Variants in TFRC observed in about 807,000 individuals in gnomAD.
TFRC encodes transferrin receptor protein 1.
A neutral mutation model predicts 85.8 loss-of-function variants in TFRC; 35 were observed. The ratio of observed to expected loss-of-function variants is 0.41; its 90% CI spans 0.31 to 0.54. The LOEUF (loss-of-function observed/expected upper bound fraction) is 0.54, where lower values mean the gene tolerates loss of function less well. Among genes scored for constraint, TFRC ranks in the 20% least tolerant of loss-of-function variants. The pLI, the probability that TFRC is intolerant of heterozygous loss-of-function variation, is 0.31. For synonymous variants in TFRC, 362 were observed against 328.6 expected, an observed-to-expected ratio of 1.10 and a Z score of -1.10; for missense variants, 828 against 921.5, an observed-to-expected ratio of 0.90 and a Z score of 1.31.
At chr3:196,063,883 T>C (rs1238140626) in intron 11 of TFRC, among the ~76,000 whole-genome samples, 2 of 151,876 alleles carry the variant, frequency 1.3e-5, no homozygotes, top group Admixed American at 6.6e-5. Flanking sequence ...ATCACACCAC[T>C]GCACTCCAGC....
At chr3:196,060,966 T>C (rs913742391) in intron 13 of TFRC, among the ~76,000 whole-genome samples, 1 of 152,244 alleles carries the variant, frequency 6.6e-6, no homozygotes, top group African/African-American at 2.4e-5. Flanking sequence ...GTTAGAGCTA[T>C]ACATAGTATG....
chr3:196,067,099 CTG>C (rs1374271290), intron 9 of TFRC, among the ~76,000 whole-genome samples: 1 of 152,216 alleles, frequency 6.6e-6, no homozygotes, highest in Admixed American at 6.5e-5. Context: ...GACAAGGTAA[CTG>C]GAATCATACC....
At chr3:196,079,483 G>T (rs1458370562) in intron 1 of TFRC, among the ~76,000 whole-genome samples, 2 of 151,958 alleles carry the variant, frequency 1.3e-5, no homozygotes, top group African/African-American at 2.4e-5. Context: ...GCATGGTGGC[G>T]CATGCCTGTA....
chr3:196,056,401 G>T (rs1716798329), intron 16 of TFRC, among the ~76,000 whole-genome samples: 1 of 151,894 alleles, frequency 6.6e-6, no homozygotes, highest in South Asian at 2.1e-4. Flanking sequence ...TTCAGCCTTG[G>T]TTTTTTTTTT....
At chr3:196,065,243 C>T (rs1283793741) in intron 10 of TFRC, among the ~76,000 whole-genome samples, 200 bp downstream of exon 10, 1 of 142,524 alleles carries the variant, frequency 7.0e-6, no homozygotes, top group East Asian at 2.2e-4. Flanking sequence ...GCCTGGGCAA[C>T]AAGAGTGAAA....
chr3:196,062,975 G>A, intron 11 of TFRC, 36 bp from the exon 12 acceptor site: 2 of 1,562,958 alleles, frequency 1.3e-6, no homozygotes, highest in South Asian at 2.2e-5. Context: ...CCTGAGGAAA[G>A]GTTATACACA....
intron 1 of TFRC, among the ~76,000 whole-genome samples, chr3:196,077,474 G>A (rs776176618): frequency 7.9e-5 from 12 of 151,860 alleles, no homozygotes; most frequent in South Asian, 2.1e-4. Flanking sequence ...ACATACTGCT[G>A]GGCGGGGTGG....
At chr3:196,071,001 G>C (rs1718155711) in intron 6 of TFRC, among the ~76,000 whole-genome samples, 1 of 151,974 alleles carries the variant, frequency 6.6e-6, no homozygotes, top group Non-Finnish European at 1.5e-5. Context: ...CTAGGCCCCA[G>C]CCAAGATGGA....
intron 16 of TFRC, 124 bp from the exon 17 acceptor site, chr3:196,055,425 G>A (rs539407114): frequency 1.4e-5 from 10 of 738,048 alleles, no homozygotes; most frequent in African/African-American, 5.2e-5. Context: ...TATTCCTACC[G>A]CAATTTACCC....
intron 13 of TFRC, chr3:196,060,586 CAGG>C (rs1717191474): frequency 5.0e-6 from 1 of 200,808 alleles, no homozygotes; most frequent in African/African-American, 2.4e-5. Flanking sequence ...ATCACAAGGT[CAGG>C]AGATCGAGAC....
chr3:196,073,052 A>AC (rs1560087223), intron 4 of TFRC, among the ~76,000 whole-genome samples: 1 of 148,310 alleles, frequency 6.7e-6, no homozygotes, highest in Admixed American at 6.8e-5. Flanking sequence ...AAAAAAAAAA[A>AC]AAAAAAAACC....
rs1034678414 is a variant in TFRC, at chr3:196,072,082, C to A, written c.505G>T (p.Val169Phe). ...SQKDENLALY[V>F]ENQFREFKLS... ...TTAAATTCACGAAATTGATTTTCAACATACAACGCAAGATTTTCATCTTTT... is the reference window on the plus strand; with the variant it reads ...TTAAATTCACGAAATTGATTTTCAAAATACAACGCAAGATTTTCATCTTTT... Residue 169 changes from valine (V) to phenylalanine (F), a missense_variant, in exon 5 of 19, where the codon GTT becomes TTT. Val to Phe is a conservative substitution (Grantham distance 50). Coordinates refer to ENST00000360110, the MANE Select transcript of TFRC (RefSeq NM_001128148.3). The A allele has an allele frequency of 6.2e-7, 1 of 1,614,010 alleles. No homozygotes were observed. Among genetic ancestry groups the A allele is most frequent in the Non-Finnish European group, 8.5e-7 (1 of 1,180,044 alleles).
chr3:196,050,477 C>G lies in TFRC; in HGVS notation c.*1465G>C, dbSNP rs576031183. ...TGCATGAAGAAAATTATGGGAAACA[C>G]TGTTCCCGATAATTACTTACACCCT... On this transcript the variant is annotated 3_prime_UTR_variant, in exon 19 of 19. Transcript: ENST00000360110. The G allele has an allele frequency of 2.9e-5, 6 of 205,334 alleles. No homozygotes were observed. The highest frequency in any genetic ancestry group is 9.1e-5 in the African/African-American group (4 of 43,850). 12.7% of individuals were successfully genotyped at this position (205,334 alleles called of 1,614,324 possible).
At chr3:196,064,066 C>T (rs1717508801) in intron 11 of TFRC, among the ~76,000 whole-genome samples, 2 of 152,210 alleles carry the variant, frequency 1.3e-5, no homozygotes, top group African/African-American at 4.8e-5. Flanking sequence ...ACACTAAGCA[C>T]TAGGGCTCAG....
chr3:196,054,442 T>C (rs991144195), intron 17 of TFRC, among the ~76,000 whole-genome samples: 2 of 151,976 alleles, frequency 1.3e-5, no homozygotes, highest in Non-Finnish European at 2.9e-5. Context: ...ATAAAAAAGA[T>C]ATAAAAAGAT....
intron 11 of TFRC, among the ~76,000 whole-genome samples, chr3:196,063,940 A>C (rs2300777): frequency 0.48 from 73,238 of 151,990 alleles, 19,404 homozygotes; most frequent in Non-Finnish European, 0.61. Context: ...ATAAATGAAT[A>C]AACAGAACAA....
At position 196,064,354 on chromosome 3, in the gene TFRC, G is replaced by A. The variant is rs1348086870; in HGVS notation, c.1273C>T (p.Leu425Phe). The change falls in exon 11 of 19, where the codon CTC becomes TTC. Residue 425 changes from leucine to phenylalanine, a missense_variant. Coordinates refer to ENST00000360110, the MANE Select transcript of TFRC (RefSeq NM_001128148.3). ...AACATCTGGGCAAGTTTCAATAGGA[G>A]AGCTGTGCCTACACCGGATTTTGCA... Reference protein sequence around the residue: ...GAAKSGVGTALLLKLAQMFSD... With the variant: ...GAAKSGVGTAFLLKLAQMFSD... The A allele has an allele frequency of 1.2e-6, 2 of 1,613,674 alleles. No individual in the cohort carries two copies. The highest frequency in any genetic ancestry group is 2.7e-5 in the African/African-American group (2 of 74,884).
At chr3:196,068,983 C>T (rs966459064) in intron 7 of TFRC, among the ~76,000 whole-genome samples, 1 of 151,358 alleles carries the variant, frequency 6.6e-6, no homozygotes, top group African/African-American at 2.4e-5. Context: ...AAGACAACCA[C>T]TTTTTTGAGT....
At chr3:196,065,768 G>T (rs1182495814) in intron 9 of TFRC, among the ~76,000 whole-genome samples, 168 bp from the exon 10 acceptor site, 1 of 151,910 alleles carries the variant, frequency 6.6e-6, no homozygotes, top group Non-Finnish European at 1.5e-5. Flanking sequence ...GAGGCAGGTG[G>T]ATCACAAGGT....
Sources: gnomAD v4.1 joint callset for allele counts (sites outside exome capture counted in the v4.1 genomes callset) on GRCh38, gnomAD v4.1.1 for gene constraint, MANE v1.5 for transcripts, NCBI Gene and HGNC (gene_info 2026-07-23, HGNC 2026-07-21) for gene names.